NTM: variants seen among roughly 807,000 people sequenced by gnomAD.
The protein encoded by NTM is IgLON family member 2.
In NTM, 13 loss-of-function variants were observed where a neutral mutation model predicts 42.1. The observed-to-expected ratio is 0.31, with a 90% CI of 0.20 to 0.49. The LOEUF is 0.49. Among genes scored for constraint, NTM ranks in the 20% least tolerant of loss-of-function variants. The pLI is 0.99. For synonymous variants in NTM, 187 were observed against 179.2 expected (o/e 1.04, Z -0.35); for missense variants, 373 against 452.8 (o/e 0.82, Z 1.60).
intron 1 of NTM, among the ~76,000 whole-genome samples, chr11:131,821,192 C>T (rs1348005451): frequency 1.3e-5 from 2 of 152,178 alleles, no homozygotes; most frequent in African/African-American, 4.8e-5. Flanking sequence ...CTCCCACTAT[C>T]CCAGGTACCT....
intron 4 of NTM, among the ~76,000 whole-genome samples, chr11:132,253,508 G>T (rs2092185787): frequency 6.6e-6 from 1 of 152,196 alleles, no homozygotes; most frequent in Non-Finnish European, 1.5e-5. Flanking sequence ...AGCCTGTCTA[G>T]TTACATACAA....
intron 4 of NTM, among the ~76,000 whole-genome samples, chr11:132,216,802 T>C (rs911050062): frequency 6.6e-6 from 1 of 152,218 alleles, no homozygotes; most frequent in Admixed American, 6.5e-5. Flanking sequence ...AAGACTATCT[T>C]GATCCTTCAG....
intron 2 of NTM, among the ~76,000 whole-genome samples, chr11:132,020,336 C>T (rs1339777289): frequency 6.6e-6 from 1 of 152,020 alleles, no homozygotes; most frequent in Non-Finnish European, 1.5e-5. Context: ...TTTACTGGTA[C>T]TTATTTTTAT....
chr11:131,950,315 A>G (rs1294617747), intron 2 of NTM, among the ~76,000 whole-genome samples: 2 of 152,200 alleles, frequency 1.3e-5, no homozygotes. Context: ...TTGCAGACTA[A>G]TAACACGTGG....
chr11:131,959,233 G>C (rs1351536255), intron 2 of NTM, among the ~76,000 whole-genome samples: 1 of 152,170 alleles, frequency 6.6e-6, no homozygotes, highest in Non-Finnish European at 1.5e-5. Flanking sequence ...TCTCAGAAGA[G>C]AGGTGTTCTC....
chr11:131,624,743 C>T (rs1029736038), intron 1 of NTM, among the ~76,000 whole-genome samples: 4 of 152,208 alleles, frequency 2.6e-5, no homozygotes, highest in African/African-American at 9.7e-5. Context: ...GAATCCACAG[C>T]CTGTGCACAG....
At chr11:131,373,413 T>C (rs1044521844) in intron 1 of NTM, among the ~76,000 whole-genome samples, 1 of 151,634 alleles carries the variant, frequency 6.6e-6, no homozygotes, top group Non-Finnish European at 1.5e-5. Flanking sequence ...TAATGGCAGG[T>C]TAGGAACCCC....
intron 1 of NTM, among the ~76,000 whole-genome samples, chr11:131,695,469 GT>G (rs1343422883): frequency 3.9e-5 from 6 of 152,190 alleles, no homozygotes; most frequent in Admixed American, 2.0e-4. Context: ...ACATATTCAG[GT>G]TTTATAAATG....
intron 1 of NTM, among the ~76,000 whole-genome samples, chr11:131,377,434 C>A (rs1057183484): frequency 6.6e-6 from 1 of 152,116 alleles, no homozygotes; most frequent in African/African-American, 2.4e-5. Flanking sequence ...AGGAGAATAC[C>A]AGATAAGGCC....
chr11:131,966,197 C>T (rs995789704), intron 2 of NTM, among the ~76,000 whole-genome samples: 4 of 152,100 alleles, frequency 2.6e-5, no homozygotes, highest in Admixed American at 6.5e-5. Flanking sequence ...TTTGCTGAAA[C>T]AGAATGGATC....
chr11:131,816,019 T>C (rs546915964), intron 1 of NTM, among the ~76,000 whole-genome samples: 1 of 152,322 alleles, frequency 6.6e-6, no homozygotes, highest in East Asian at 1.9e-4. Flanking sequence ...AAAACCTAAC[T>C]GAATTGCCTT....
At chr11:131,947,844 C>T (rs117496029) in intron 2 of NTM, among the ~76,000 whole-genome samples, 3,038 of 152,170 alleles carry the variant, frequency 0.02, 46 homozygotes, top group Non-Finnish European at 0.03. Flanking sequence ...ATGTTTCCTC[C>T]TGAGATTAGT....
At chr11:132,237,844 C>G (rs1466969651) in intron 4 of NTM, among the ~76,000 whole-genome samples, 2 of 152,218 alleles carry the variant, frequency 1.3e-5, no homozygotes, top group African/African-American at 4.8e-5. Flanking sequence ...AGGAAATTCG[C>G]TGAACCCTTT....
chr11:131,608,647 C>T (rs1254467931), intron 1 of NTM, among the ~76,000 whole-genome samples: 1 of 87,028 alleles, frequency 1.1e-5, no homozygotes, highest in Admixed American at 1.3e-4. Context: ...TCCATTCCCG[C>T]CTTTCTTTTC....
chr11:132,156,883 A>G (rs1385038002), intron 3 of NTM, among the ~76,000 whole-genome samples: 2 of 152,232 alleles, frequency 1.3e-5, no homozygotes, highest in African/African-American at 4.8e-5. Context: ...AGGCAGAGGA[A>G]GATTTGATAG....
chr11:131,485,854 G>A (rs1327434444), intron 1 of NTM, among the ~76,000 whole-genome samples: 2 of 152,198 alleles, frequency 1.3e-5, no homozygotes, highest in African/African-American at 4.8e-5. Context: ...ACATGACTGT[G>A]AGGAAGAGAA....
intron 1 of NTM, among the ~76,000 whole-genome samples, chr11:131,523,369 G>A (rs930246932): frequency 6.6e-6 from 1 of 152,178 alleles, no homozygotes; most frequent in East Asian, 1.9e-4. Context: ...AAAAATAACA[G>A]CTAAACTTCA....
chr11:131,589,621 A>G (rs1417941650), intron 1 of NTM, among the ~76,000 whole-genome samples: 1 of 152,100 alleles, frequency 6.6e-6, no homozygotes, highest in Non-Finnish European at 1.5e-5. Flanking sequence ...TATGCCTTTC[A>G]TGTCCTAGGT....
chr11:131,792,002 T>C (rs925018530), intron 1 of NTM, among the ~76,000 whole-genome samples: 42 of 152,276 alleles, frequency 2.8e-4, no homozygotes, highest in Admixed American at 1.8e-3. Flanking sequence ...CTATAACTGA[T>C]ACGTAATAAT....
Sources: gnomAD v4.1 joint callset for allele counts (sites outside exome capture counted in the v4.1 genomes callset) on GRCh38, gnomAD v4.1.1 for gene constraint, MANE v1.5 for transcripts, NCBI Gene and HGNC (gene_info 2026-07-23, HGNC 2026-07-21) for gene names.